Variants in CDC123 observed in about 807,000 individuals in gnomAD.
The protein encoded by CDC123 is translation initiation factor eIF2 assembly protein.
A neutral mutation model predicts 54.4 loss-of-function variants in CDC123; 37 were observed. The observed-to-expected ratio is 0.68, with a 90% CI of 0.52 to 0.89. The LOEUF is 0.89. Among genes scored for constraint, CDC123 ranks in the 40% least tolerant of loss-of-function variants. The pLI is 0.00. For missense variants in CDC123, 361 were observed against 412.1 expected (o/e 0.88, Z 1.07); for synonymous variants, 144 against 136.8 (o/e 1.05, Z -0.37).
intron 11 of CDC123, chr10:12,246,488 C>T (rs1331648329): frequency 2.1e-6 from 1 of 470,896 alleles, no homozygotes; most frequent in Non-Finnish European, 3.7e-6. Flanking sequence ...ATCATCTGAT[C>T]AGTTTTTTTA....
chr10:12,230,413 A>G (rs1310124442), intron 6 of CDC123, among the ~76,000 whole-genome samples: 2 of 152,126 alleles, frequency 1.3e-5, no homozygotes, highest in Non-Finnish European at 2.9e-5. Context: ...GGCTGGTGTC[A>G]AACTCCTGAC....
At chr10:12,242,030 G>A (rs760729439) in intron 10 of CDC123, among the ~76,000 whole-genome samples, 2 of 152,106 alleles carry the variant, frequency 1.3e-5, no homozygotes, top group Non-Finnish European at 2.9e-5. Flanking sequence ...ACTTTTAAAC[G>A]GCTTGTCGTA....
intron 11 of CDC123, among the ~76,000 whole-genome samples, chr10:12,248,386 G>A (rs1243728814): frequency 6.6e-6 from 1 of 151,868 alleles, no homozygotes; most frequent in Admixed American, 6.6e-5. Context: ...GCAGATGCCT[G>A]TAATCCCAGC....
chr10:12,198,874 T>C, intron 2 of CDC123, 98 bp downstream of exon 2: 1 of 709,254 alleles, frequency 1.4e-6, no homozygotes, highest in Non-Finnish European at 2.5e-6. Flanking sequence ...TTTAGCTCTT[T>C]TTCTCTCCTA....
intron 6 of CDC123, among the ~76,000 whole-genome samples, chr10:12,218,247 CTT>C (rs34125393): frequency 8.4e-5 from 10 of 119,170 alleles, no homozygotes; most frequent in Non-Finnish European, 1.2e-4. Context: ...CTTTTTTTTT[CTT>C]TTTTTTTTTT....
chr10:12,241,087 G>A (rs548524434), intron 10 of CDC123, among the ~76,000 whole-genome samples: 5 of 152,224 alleles, frequency 3.3e-5, no homozygotes, highest in Non-Finnish European at 5.9e-5. Flanking sequence ...TTACAATATA[G>A]GGTTACACTC....
At chr10:12,246,076 A>C (rs1455730820) in intron 10 of CDC123, 73 bp from the exon 11 acceptor site, 2 of 1,523,750 alleles carry the variant, frequency 1.3e-6, no homozygotes, top group Non-Finnish European at 1.8e-6. Flanking sequence ...TCTCAGAATA[A>C]AAAAGTGTTT....
chr10:12,215,767 A>G lies in CDC123; in HGVS notation c.265A>G (p.Lys89Glu), dbSNP rs778633088. The G allele has an allele frequency of 5.6e-6, 9 of 1,611,724 alleles. No homozygotes were observed. The Admixed American group carries it at 1.0e-4, about 18-fold the overall frequency. The change falls in exon 5 of 13, where the codon AAA (lysine) becomes GAA (glutamate). Residue 89 changes from lysine (K) to glutamate (E), a missense_variant. Lys to Glu is a moderately conservative substitution (Grantham distance 56). Coordinates refer to ENST00000281141, the MANE Select transcript of CDC123 (RefSeq NM_006023.3). ...ACCAGAATTTCCTGAGTTTGCCACTAAAGTCCAGGAAGCTATCAATTCCCT... is the reference window on the plus strand; with the variant it reads ...ACCAGAATTTCCTGAGTTTGCCACTGAAGTCCAGGAAGCTATCAATTCCCT... Reference protein sequence around the residue: ...TAPEFPEFATKVQEAINSLGG... With the variant: ...TAPEFPEFATEVQEAINSLGG...
In CDC123 at chr10:12,213,344, G is replaced by A. The variant is rs186878827; in HGVS notation, c.238-2396G>A. On this transcript the variant is annotated intron_variant, in intron 4 of 12. Coordinates refer to ENST00000281141, the MANE Select transcript of CDC123 (RefSeq NM_006023.3). ...GAAGGACACCACCTGTCACAGCTGC[G>A]CAGCCTGAGTCTGCTTGGGAGGAGA... Among the ~76,000 whole-genome samples the A allele has an allele frequency of 1.7e-3, 260 of 152,282 alleles. 1 individual carries two copies. The highest frequency in any genetic ancestry group is 5.9e-3 in the African/African-American group (247 of 41,560).
chr10:12,248,850 C>T (rs1388602556), intron 11 of CDC123, among the ~76,000 whole-genome samples: 1 of 151,722 alleles, frequency 6.6e-6, no homozygotes, highest in Non-Finnish European at 1.5e-5. Flanking sequence ...TGGTTCATGC[C>T]TGTAATCCCA....
At chr10:12,248,538 G>A (rs1028884463) in intron 11 of CDC123, among the ~76,000 whole-genome samples, 7 of 151,764 alleles carry the variant, frequency 4.6e-5, no homozygotes, top group Admixed American at 4.6e-4. Context: ...AGGTGCGGTG[G>A]CTCACACCTG....
intron 10 of CDC123, among the ~76,000 whole-genome samples, chr10:12,242,072 C>T (rs944589679): frequency 9.0e-6 from 1 of 110,808 alleles, no homozygotes; most frequent in Non-Finnish European, 2.2e-5. Context: ...GAACAGCAAG[C>T]CTTGAGAGTT....
chr10:12,219,123 C>G (rs928669752), intron 6 of CDC123, among the ~76,000 whole-genome samples: 4 of 151,708 alleles, frequency 2.6e-5, no homozygotes, highest in African/African-American at 9.7e-5. Context: ...TGAAGTGGAT[C>G]GTGGCATGAA....
At chr10:12,200,642 G>A (rs909250466) in intron 2 of CDC123, among the ~76,000 whole-genome samples, 1 of 152,008 alleles carries the variant, frequency 6.6e-6, no homozygotes, top group African/African-American at 2.4e-5. Context: ...GTTAAATACT[G>A]TTAAACAGGG....
At position 12,250,498 on chromosome 10, in the gene CDC123, G is replaced by A; in HGVS notation, c.*161G>A. 2.9e-6 allele frequency: 2 copies of A among 697,538 alleles called. No individual in the cohort carries two copies. The highest frequency in any genetic ancestry group is 2.7e-6 in the Non-Finnish European group (1 of 375,440). The allele number at this position is 697,538 out of a possible 1,614,324, so 43.2% of individuals were successfully genotyped here. A position where few individuals can be genotyped will look rare whatever the true frequency, so the allele number is the denominator to read the frequency against. On this transcript the variant is annotated 3_prime_UTR_variant, in exon 13 of 13. Coordinates refer to ENST00000281141, the MANE Select transcript of CDC123 (RefSeq NM_006023.3). Reference sequence around the variant, plus strand: ...CATTCACCTGGGGAAAAAAACGGAGGGACTTTGCTACTTGTAAAAATAACA... The same window carrying A: ...CATTCACCTGGGGAAAAAAACGGAGAGACTTTGCTACTTGTAAAAATAACA...
At chr10:12,211,229 ACTC>A (rs1310750192) in intron 4 of CDC123, among the ~76,000 whole-genome samples, 1 of 98,216 alleles carries the variant, frequency 1.0e-5, no homozygotes, top group Non-Finnish European at 2.0e-5. Flanking sequence ...GGTGAATGAA[ACTC>A]CTCATACCTT....
At chr10:12,246,327 C>T (rs1194059354) in intron 11 of CDC123, 50 bp downstream of exon 11, 1 of 1,599,876 alleles carries the variant, frequency 6.3e-7, no homozygotes, top group Admixed American at 1.7e-5. Flanking sequence ...AGTCTACTGA[C>T]TGACTGCTTG....
chr10:12,224,586 A>G (rs1220757752), intron 6 of CDC123, among the ~76,000 whole-genome samples: 1 of 152,200 alleles, frequency 6.6e-6, no homozygotes, highest in African/African-American at 2.4e-5. Flanking sequence ...GAGGGACTAT[A>G]ATTATTCTGC....
At chr10:12,205,117 C>G (rs1005491648) in intron 2 of CDC123, among the ~76,000 whole-genome samples, 2 of 151,754 alleles carry the variant, frequency 1.3e-5, no homozygotes, top group African/African-American at 4.8e-5. Flanking sequence ...TTTCTACTCT[C>G]TATATCCATG....
Sources: gnomAD v4.1 joint callset for allele counts (sites outside exome capture counted in the v4.1 genomes callset) on GRCh38, gnomAD v4.1.1 for gene constraint, MANE v1.5 for transcripts, NCBI Gene and HGNC (gene_info 2026-07-23, HGNC 2026-07-21) for gene names.